The following SGIP1 variants were observed in gnomAD, a reference collection of about 807,000 sequenced individuals.
The protein encoded by SGIP1 is SH3GL interacting endocytic adaptor 1.
In SGIP1, 38 loss-of-function variants were observed where a neutral mutation model predicts 107.5. The ratio of observed to expected loss-of-function variants is 0.35; its 90% confidence interval spans 0.27 to 0.46. The LOEUF (loss-of-function observed/expected upper bound fraction) is 0.46, where lower values mean the gene tolerates loss of function less well. Among genes scored for constraint, SGIP1 ranks in the 20% least tolerant of loss-of-function variants. SGIP1 has a pLI of 1.00. For synonymous variants in SGIP1, 365 were observed against 366.1 expected, an observed-to-expected ratio of 1.00 and a Z score of 0.03; for missense variants, 929 against 1,019.5, an observed-to-expected ratio of 0.91 and a Z score of 1.21.
intron 1 of SGIP1, among the ~76,000 whole-genome samples, chr1:66,625,526 C>G (rs561703216): frequency 2.0e-5 from 3 of 152,224 alleles, no homozygotes; most frequent in Admixed American, 2.0e-4. Context: ...TGTGATTTGG[C>G]TTCCTGGCAG....
chr1:66,690,395 T>C, intron 17 of SGIP1, 79 bp downstream of exon 17: 3 of 1,559,514 alleles, frequency 1.9e-6, no homozygotes, highest in Non-Finnish European at 2.6e-6. Flanking sequence ...CCCAAGGCCC[T>C]GTGTTTCTGG....
chr1:66,697,539 T>G (rs2091161172), intron 18 of SGIP1, among the ~76,000 whole-genome samples: 1 of 152,224 alleles, frequency 6.6e-6, no homozygotes, highest in African/African-American at 2.4e-5. Flanking sequence ...AATGTTGGTG[T>G]CACTGTTTCT....
At chr1:66,627,803 G>T (rs916389224) in intron 2 of SGIP1, among the ~76,000 whole-genome samples, 1 of 152,020 alleles carries the variant, frequency 6.6e-6, no homozygotes, top group South Asian at 2.1e-4. Flanking sequence ...CAACGTGCAG[G>T]TTTGTTACAT....
Position 66,643,530 on chromosome 1 carries a change from T to A in SGIP1, c.284-14T>A. ...AGTAGAAGAAAGAGTTATGTATCTT[T>A]AACTGTGTTCTACCTACCAAAGGAA... On this transcript the variant is annotated splice_polypyrimidine_tract_variant and intron_variant, in intron 6 of 24. Coordinates refer to ENST00000371037, the MANE Select transcript of SGIP1 (RefSeq NM_032291.4). 6.2e-7 allele frequency: 1 copy of A among 1,600,132 alleles called. No homozygotes were observed. Among genetic ancestry groups the A allele is most frequent in the Non-Finnish European group, 8.5e-7 (1 of 1,174,892 alleles).
rs112249006 is a variant in SGIP1 at position 66,694,845 on chromosome 1, T to C, written c.1571-589T>C. 604 of 257,252 alleles carry C rather than the reference T, an allele frequency of 2.3e-3. 1 individual carries two copies. Among genetic ancestry groups the C allele is most frequent in the African/African-American group, 0.013 (573 of 45,336 alleles). 15.9% of individuals were successfully genotyped at this position (257,252 alleles called of 1,614,324 possible). A position where few individuals can be genotyped will look rare whatever the true frequency, so the allele number is the denominator to read the frequency against. On this transcript the variant is annotated intron_variant, in intron 17 of 24. Coordinates refer to ENST00000371037, the MANE Select transcript of SGIP1 (RefSeq NM_032291.4). Reference sequence around the variant, plus strand: ...TTTTAATTTAAAAAATAATAGAGCATCATTAGTAATCTTGTTTTCTCTTTG... The same window carrying C: ...TTTTAATTTAAAAAATAATAGAGCACCATTAGTAATCTTGTTTTCTCTTTG...
At position 66,682,196 on chromosome 1, in the gene SGIP1, A is replaced by G; in HGVS notation, c.1142A>G (p.Lys381Arg). Residue 381 changes from lysine to arginine, a missense_variant, in exon 15 of 25, where the codon AAG (lysine) becomes AGG (arginine). By Grantham distance (26) the Lys-to-Arg change is conservative (BLOSUM62 2). Transcript: ENST00000371037. Reference protein sequence around the residue: ...LSPLNLEEVQKKVAEQTFIKD... With the variant: ...LSPLNLEEVQRKVAEQTFIKD... The stretch of plus-strand genomic sequence containing the variant: ...CCGCTCAATTTAGAAGAAGTCCAGA[A>G]GAAAGTCGCTGAGCAGACCTTCATT... 1 of 1,614,234 alleles carries G rather than the reference A, an allele frequency of 6.2e-7. No homozygotes were observed. The highest frequency in any genetic ancestry group is 8.5e-7 in the Non-Finnish European group (1 of 1,180,042).
intron 1 of SGIP1, among the ~76,000 whole-genome samples, chr1:66,552,894 G>C (rs1392421027): frequency 6.6e-6 from 1 of 152,058 alleles, no homozygotes; most frequent in Non-Finnish European, 1.5e-5. Context: ...CTTCCTTCAG[G>C]AAGAAAAAGC....
At chr1:66,730,703 G>T (rs1217671711) in intron 20 of SGIP1, among the ~76,000 whole-genome samples, 7 of 152,078 alleles carry the variant, frequency 4.6e-5, no homozygotes, top group African/African-American at 1.4e-4. Context: ...CATTGCCTTT[G>T]AGGCCTTGAG....
At chr1:66,611,808 T>C (rs979987256) in intron 1 of SGIP1, among the ~76,000 whole-genome samples, 4 of 152,020 alleles carry the variant, frequency 2.6e-5, no homozygotes, top group African/African-American at 4.8e-5. Flanking sequence ...TTGGCACCAG[T>C]TTACTTGGAG....
chr1:66,558,478 C>T (rs2058491184), intron 1 of SGIP1, among the ~76,000 whole-genome samples: 1 of 151,756 alleles, frequency 6.6e-6, no homozygotes, highest in Non-Finnish European at 1.5e-5. Context: ...TATTATATTA[C>T]ATAGTGTATA....
At chr1:66,639,647 G>A (rs2076414451) in intron 4 of SGIP1, 130 bp from the exon 5 acceptor site, 1 of 720,060 alleles carries the variant, frequency 1.4e-6, no homozygotes, top group Admixed American at 2.6e-5. Context: ...TTAATAAACT[G>A]CTCTAATATG....
In SGIP1 at chr1:66,673,262, C is replaced by T. The variant is rs376779334; in HGVS notation, c.561-19C>T. 1.2e-6 allele frequency: 2 copies of T among 1,613,060 alleles called. No homozygotes were observed. The highest frequency in any genetic ancestry group is 1.7e-5 in the Admixed American group (1 of 59,954). ...TTTGAGCCCTTTCCCTGTATTTTGCCTTAATGTGTGTGATTTAGCAAAAAG... is the reference window on the plus strand; with the variant it reads ...TTTGAGCCCTTTCCCTGTATTTTGCTTTAATGTGTGTGATTTAGCAAAAAG... On this transcript the variant is annotated intron_variant, in intron 11 of 24. Coordinates refer to ENST00000371037, the MANE Select transcript of SGIP1 (RefSeq NM_032291.4).
intron 1 of SGIP1, among the ~76,000 whole-genome samples, chr1:66,577,525 A>T (rs1349748985): frequency 1.3e-5 from 2 of 152,156 alleles, no homozygotes; most frequent in Non-Finnish European, 2.9e-5. Context: ...CATGTAAATG[A>T]AGGACAAAGA....
chr1:66,742,460 CTTTTTTTTTTT>C (rs764080079), intron 24 of SGIP1, among the ~76,000 whole-genome samples: 8 of 45,110 alleles, frequency 1.8e-4, no homozygotes, highest in Admixed American at 7.3e-4. Flanking sequence ...AGCACCCTTT[CTTTTTTTTTTT>C]TTTTTTTTTT....
intron 24 of SGIP1, among the ~76,000 whole-genome samples, chr1:66,742,196 T>C (rs2094468547): frequency 6.6e-6 from 1 of 152,120 alleles, no homozygotes; most frequent in Non-Finnish European, 1.5e-5. Context: ...ACTCAAAGAA[T>C]CTAGGCCACA....
chr1:66,620,795 T>C (rs565531650), intron 1 of SGIP1, among the ~76,000 whole-genome samples: 7 of 152,350 alleles, frequency 4.6e-5, no homozygotes, highest in Non-Finnish European at 1.0e-4. Context: ...TGAAACAGTA[T>C]TTATCCTTTC....
intron 15 of SGIP1, chr1:66,683,963 T>G (rs1390348387): frequency 3.2e-6 from 4 of 1,249,198 alleles, no homozygotes; most frequent in Middle Eastern, 2.8e-4. Flanking sequence ...GTGACCCACC[T>G]GCCTCAGCCT....
At chr1:66,737,042 A>G (rs2094289222) in intron 21 of SGIP1, among the ~76,000 whole-genome samples, 1 of 152,200 alleles carries the variant, frequency 6.6e-6, no homozygotes, top group African/African-American at 2.4e-5. Flanking sequence ...ATTTTATTTA[A>G]CTTCTTCCCA....
At chr1:66,575,381 AT>A (rs2060921879) in intron 1 of SGIP1, among the ~76,000 whole-genome samples, 1 of 152,176 alleles carries the variant, frequency 6.6e-6, no homozygotes, top group Non-Finnish European at 1.5e-5. Flanking sequence ...ACTTGGCCTT[AT>A]GTTTAGATCC....
Sources: gnomAD v4.1 joint callset for allele counts (sites outside exome capture counted in the v4.1 genomes callset) on GRCh38, gnomAD v4.1.1 for gene constraint, MANE v1.5 for transcripts, NCBI Gene and HGNC (gene_info 2026-07-23, HGNC 2026-07-21) for gene names.